DOCK2: variants seen among roughly 807,000 people sequenced by gnomAD.
DOCK2 encodes dedicator of cytokinesis protein 2.
In DOCK2, 87 loss-of-function variants were observed where a neutral mutation model predicts 248.9. The observed-to-expected ratio is 0.35, with a 90% CI of 0.29 to 0.42. The LOEUF (loss-of-function observed/expected upper bound fraction) is 0.42. Ranked by LOEUF, DOCK2 falls within the 10% of genes least tolerant of loss-of-function variation. The pLI is 1.00. For missense variants in DOCK2, 1,747 were observed against 2,300.2 expected (o/e 0.76, Z 4.92); for synonymous variants, 805 against 821.6 (o/e 0.98, Z 0.35).
intron 27 of DOCK2, among the ~76,000 whole-genome samples, chr5:169,918,227 G>A (rs927434032): frequency 1.3e-5 from 2 of 152,140 alleles, no homozygotes; most frequent in Admixed American, 1.3e-4. Flanking sequence ...ATCCTGTTTT[G>A]TCTAGGACAG....
At chr5:170,066,429 G>A (rs1487637850) in intron 44 of DOCK2, among the ~76,000 whole-genome samples, 1 of 152,146 alleles carries the variant, frequency 6.6e-6, no homozygotes, top group Non-Finnish European at 1.5e-5. Flanking sequence ...AGATCTAGAG[G>A]GAGACATAAT....
At chr5:170,018,885 TCCCCAGGC>T in intron 32 of DOCK2, 67 bp from the exon 33 acceptor site, 1 of 1,537,416 alleles carries the variant, frequency 6.5e-7, no homozygotes, top group Non-Finnish European at 8.8e-7. Context: ...TTTTTTTCTT[TCCCCAGGC>T]TTGGTCGGAG....
At chr5:170,021,421 G>A (rs1205474865) in intron 33 of DOCK2, among the ~76,000 whole-genome samples, 2 of 152,190 alleles carry the variant, frequency 1.3e-5, no homozygotes, top group South Asian at 2.1e-4. Flanking sequence ...AACACACCAA[G>A]TGCCTGATGG....
chr5:170,051,040 AGCCAT>A (rs1756895859), intron 41 of DOCK2, among the ~76,000 whole-genome samples: 1 of 152,178 alleles, frequency 6.6e-6, no homozygotes, highest in South Asian at 2.1e-4. Context: ...GCCTTGAGGA[AGCCAT>A]GCAGAGTACT....
At chr5:170,061,001 G>T (rs1391726396) in intron 44 of DOCK2, among the ~76,000 whole-genome samples, 2 of 152,030 alleles carry the variant, frequency 1.3e-5, no homozygotes, top group African/African-American at 4.8e-5. Context: ...TTGCACTCCA[G>T]CCCGGGCAAC....
rs1302818098 is a variant in DOCK2 at position 170,042,146 on chromosome 5, G to T, written c.3876+14G>T. The stretch of plus-strand genomic sequence containing the variant: ...GACAAAGGAAAGGTAATCTGTCCCT[G>T]CCCACCCCCCGTGGGGACCCTGGCC... On this transcript the variant is annotated intron_variant, in intron 38 of 51. Coordinates refer to ENST00000520908, the MANE Select transcript of DOCK2 (RefSeq NM_004946.3). 6.2e-7 allele frequency: 1 copy of T among 1,602,306 alleles called. No individual in the cohort carries two copies. Among genetic ancestry groups the T allele is most frequent in the Non-Finnish European group, 8.5e-7 (1 of 1,173,740 alleles).
intron 29 of DOCK2, among the ~76,000 whole-genome samples, chr5:169,987,483 G>A (rs140561698): frequency 6.6e-6 from 1 of 152,310 alleles, no homozygotes; most frequent in Non-Finnish European, 1.5e-5. Flanking sequence ...ACTAAATAAT[G>A]GGCAGGTGAA....
chr5:169,816,298 G>A (rs1406341936), intron 26 of DOCK2, among the ~76,000 whole-genome samples: 1 of 152,200 alleles, frequency 6.6e-6, no homozygotes, highest in East Asian at 1.9e-4. Context: ...ACTGCAGCAA[G>A]GAAGCTTCCA....
At chr5:169,737,143 C>A (rs552455612) in intron 22 of DOCK2, among the ~76,000 whole-genome samples, 15 of 152,222 alleles carry the variant, frequency 9.9e-5, no homozygotes, top group Middle Eastern at 3.4e-3. Flanking sequence ...TGAGGAAGTA[C>A]CATCTAAGCT....
intron 23 of DOCK2, among the ~76,000 whole-genome samples, chr5:169,750,419 CACTTA>C (rs1191990214): frequency 5.9e-5 from 9 of 152,230 alleles, no homozygotes; most frequent in Admixed American, 3.9e-4. Flanking sequence ...TTACATTGGT[CACTTA>C]ACTTCTCAAT....
chr5:169,662,393 T>C (rs1238788080), intron 2 of DOCK2, among the ~76,000 whole-genome samples: 1 of 152,234 alleles, frequency 6.6e-6, no homozygotes, highest in Non-Finnish European at 1.5e-5. Flanking sequence ...TTGCAATTTT[T>C]TCCCTAATTC....
intron 45 of DOCK2, 60 bp downstream of exon 45, chr5:170,067,746 A>G: frequency 6.4e-7 from 1 of 1,573,184 alleles, no homozygotes; most frequent in Non-Finnish European, 8.7e-7. Context: ...TGGTGGGAGG[A>G]CCCAGGGGGC....
At chr5:169,749,932 C>T (rs1481356820) in intron 23 of DOCK2, among the ~76,000 whole-genome samples, 2 of 152,212 alleles carry the variant, frequency 1.3e-5, no homozygotes, top group Non-Finnish European at 2.9e-5. Flanking sequence ...CCAGCCACTG[C>T]ATCTGTATCA....
At chr5:169,782,550 A>C (rs1487188521) in intron 25 of DOCK2, among the ~76,000 whole-genome samples, 1 of 149,730 alleles carries the variant, frequency 6.7e-6, no homozygotes, top group Non-Finnish European at 1.5e-5. Context: ...AAATGGGTAC[A>C]TCCACAGAAT....
intron 14 of DOCK2, among the ~76,000 whole-genome samples, chr5:169,704,646 G>A (rs1369257307): frequency 1.3e-5 from 2 of 152,034 alleles, no homozygotes; most frequent in Non-Finnish European, 2.9e-5. Flanking sequence ...GAGTATGATT[G>A]GATTGTTTAT....
intron 23 of DOCK2, among the ~76,000 whole-genome samples, chr5:169,757,482 T>C (rs1179380297): frequency 2.6e-5 from 4 of 152,170 alleles, no homozygotes; most frequent in African/African-American, 9.7e-5. Flanking sequence ...GAGGCTCCAA[T>C]AGAACATAGT....
chr5:169,970,200 A>G (rs942581777), intron 27 of DOCK2, among the ~76,000 whole-genome samples: 2 of 152,250 alleles, frequency 1.3e-5, no homozygotes, highest in South Asian at 2.1e-4. Context: ...GATGCCGTGC[A>G]CAGAATGTAA....
chr5:169,897,611 C>A (rs151223398), intron 27 of DOCK2, among the ~76,000 whole-genome samples: 1 of 152,172 alleles, frequency 6.6e-6, no homozygotes, highest in Non-Finnish European at 1.5e-5. Flanking sequence ...GAGACAGAAC[C>A]ACAGCCCCAT....
At chr5:169,683,404 T>TA (rs397710775) in intron 7 of DOCK2, among the ~76,000 whole-genome samples, 5 of 151,458 alleles carry the variant, frequency 3.3e-5, no homozygotes, top group Non-Finnish European at 5.9e-5. Flanking sequence ...TAATTTTTTT[T>TA]ATTTTCTGTA....
Sources: allele counts gnomAD v4.1 joint callset (sites outside exome capture counted in the v4.1 genomes callset), GRCh38; gene constraint gnomAD v4.1.1; transcripts MANE v1.5; gene names NCBI Gene and HGNC (gene_info 2026-07-23, HGNC 2026-07-21).